CLEC3A: variants seen among roughly 807,000 people sequenced by gnomAD.
CLEC3A encodes the protein C-type (calcium dependent, carbohydrate-recognition domain) lectin, superfamily member 1 (cartilage-derived).
In CLEC3A, 28 loss-of-function variants were observed where a neutral mutation model predicts 20.4. The observed-to-expected ratio is 1.37, with a 90% CI of 1.02 to 1.88. The LOEUF (loss-of-function observed/expected upper bound fraction) is 1.88, where lower values mean the gene tolerates loss of function less well. CLEC3A is among the 40% of genes most tolerant of loss of function. The pLI, the probability that CLEC3A is intolerant of heterozygous loss-of-function variation, is 0.00. For synonymous variants in CLEC3A, 110 were observed against 88.1 expected, an observed-to-expected ratio of 1.25 and a Z score of -1.39; for missense variants, 357 against 240.4, an observed-to-expected ratio of 1.48 and a Z score of -3.21.
rs931678737 is a variant in CLEC3A at position 78,028,864 on chromosome 16, T to C, written c.199+674T>C. On this transcript the variant is annotated intron_variant, in intron 2 of 2. Coordinates refer to ENST00000299642, the MANE Select transcript of CLEC3A (RefSeq NM_005752.6). ...AAGTTACGGCTTTCCATCAAGTATT[T>C]ATAACTCCCAGACCAGATGCATGTT... Among the ~76,000 whole-genome samples the C allele has an allele frequency of 4.6e-5, 7 of 152,332 alleles. No individual in the cohort carries two copies. The South Asian group carries it at 6.2e-4, about 14-fold the overall frequency.
chr16:78,030,152 C>CA (rs56784347), intron 2 of CLEC3A, among the ~76,000 whole-genome samples: 48,142 of 100,214 alleles, frequency 0.48, 12,348 homozygotes, highest in Middle Eastern at 0.59. Flanking sequence ...GACTCCAACT[C>CA]AAAAAAAAAA....
Position 78,030,669 on chromosome 16 carries a change from T to A in CLEC3A, c.422T>A (p.Phe141Tyr), listed in dbSNP as rs759861025. 1.9e-6 allele frequency: 3 copies of A among 1,613,996 alleles called. No homozygotes were observed. In the African/African-American group the frequency reaches 4.0e-5, roughly 22 times the overall value. ...GINDMVTEGK[F>Y]VDVNGIAISF... ...AATGACATGGTCACGGAAGGCAAGT[T>A]TGTTGACGTCAACGGAATCGCTATC... Residue 141 changes from phenylalanine (F) to tyrosine (Y), a missense_variant, in exon 3 of 3, where the codon TTT becomes TAT. Transcript: ENST00000299642.
rs746748496 is a variant in CLEC3A at position 78,030,712 on chromosome 16, C to A, written c.465C>A (p.Asp155Glu). Residue 155 changes from aspartate (D) to glutamate (E), a missense_variant, in exon 3 of 3, where the codon GAC becomes GAA. Transcript: ENST00000299642. ...NGIAISFLNW[D>E]RAQPNGGKRE... ...TCGCTATCTCCTTCCTCAACTGGGACCGTGCACAGCCTAACGGTGGCAAGC... is the reference window on the plus strand; with the variant it reads ...TCGCTATCTCCTTCCTCAACTGGGAACGTGCACAGCCTAACGGTGGCAAGC... 3.1e-6 allele frequency: 5 copies of A among 1,614,150 alleles called. No homozygotes were observed. In the African/African-American group the frequency reaches 6.7e-5, roughly 22 times the overall value.
chr16:78,024,077 G>A (rs1307628700), intron 1 of CLEC3A, among the ~76,000 whole-genome samples: 1 of 152,120 alleles, frequency 6.6e-6, no homozygotes, highest in African/African-American at 2.4e-5. Context: ...TTCTTAAGTG[G>A]AATCTTTTTT....
chr16:78,028,288 A>T, intron 2 of CLEC3A, 98 bp downstream of exon 2: 1 of 839,042 alleles, frequency 1.2e-6, no homozygotes, highest in South Asian at 1.9e-5. Flanking sequence ...ACATTGACAA[A>T]TCAATAATGT....
At chr16:78,028,619 G>A (rs574251613) in intron 2 of CLEC3A, among the ~76,000 whole-genome samples, 58 of 152,318 alleles carry the variant, frequency 3.8e-4, no homozygotes, top group African/African-American at 1.2e-3. Context: ...CAGCGCCAGC[G>A]TTCCTCCCCA....
chr16:78,031,198 T>G lies in CLEC3A; in HGVS notation c.*357T>G, dbSNP rs139962131. On this transcript the variant is annotated 3_prime_UTR_variant, in exon 3 of 3. Coordinates refer to ENST00000299642, the MANE Select transcript of CLEC3A (RefSeq NM_005752.6). Reference sequence around the variant, plus strand: ...TCTAGAAAAGCAAGCTTAGGCTACCTGAAAGATTTTCCCTTGGAAGTTTAG... The same window carrying G: ...TCTAGAAAAGCAAGCTTAGGCTACCGGAAAGATTTTCCCTTGGAAGTTTAG... The G allele has an allele frequency of 4.0e-3, 719 of 180,228 alleles. 6 individuals are homozygous for G. Among genetic ancestry groups the G allele is most frequent in the African/African-American group, 0.016 (668 of 42,352 alleles). 11.2% of individuals were successfully genotyped at this position (180,228 alleles called of 1,614,324 possible). A position where few individuals can be genotyped will look rare whatever the true frequency, so the allele number is the denominator to read the frequency against.
rs2030077640 is a variant in CLEC3A, at chr16:78,030,803, A to T, written c.556A>T (p.Ser186Cys). Residue 186 changes from serine to cysteine, a missense_variant, in exon 3 of 3, where the codon AGC becomes TGC. By Grantham distance (112) the Ser-to-Cys change is moderately radical (BLOSUM62 -1). Coordinates refer to ENST00000299642, the MANE Select transcript of CLEC3A (RefSeq NM_005752.6). ...GKWSDEACRS[S>C]KRYICEFTIP... ...GTGGAGTGATGAGGCCTGTCGCAGC[A>T]GCAAGAGATACATATGCGAGTTCAC... 1 of 1,613,916 alleles carries T rather than the reference A, an allele frequency of 6.2e-7. No individual in the cohort carries two copies. Among genetic ancestry groups the T allele is most frequent in the Non-Finnish European group, 8.5e-7 (1 of 1,179,980 alleles).
intron 2 of CLEC3A, among the ~76,000 whole-genome samples, 155 bp downstream of exon 2, chr16:78,028,345 T>A (rs1353822130): frequency 1.3e-5 from 2 of 152,202 alleles, no homozygotes; most frequent in African/African-American, 4.8e-5. Context: ...TTTTAGGAAA[T>A]CAGCTTCATT....
Position 78,030,749 on chromosome 16 carries a change from G to C in CLEC3A, c.502G>C (p.Val168Leu). The C allele has an allele frequency of 6.2e-7, 1 of 1,614,110 alleles. No individual in the cohort carries two copies. Among genetic ancestry groups the C allele is most frequent in the Non-Finnish European group, 8.5e-7 (1 of 1,180,016 alleles). ...QPNGGKRENCVLFSQSAQGKW... is the reference protein window; with the variant it reads ...QPNGGKRENCLLFSQSAQGKW... ...TAACGGTGGCAAGCGAGAAAACTGT[G>C]TCCTGTTCTCCCAATCAGCTCAGGG... The change falls in exon 3 of 3, where the codon GTC becomes CTC. Residue 168 changes from valine to leucine, a missense_variant. Coordinates refer to ENST00000299642, the MANE Select transcript of CLEC3A (RefSeq NM_005752.6).
chr16:78,025,337 A>G (rs997493227), intron 1 of CLEC3A, among the ~76,000 whole-genome samples: 38 of 152,310 alleles, frequency 2.5e-4, no homozygotes, highest in African/African-American at 7.0e-4. Context: ...TTTTGATTCA[A>G]TAGCCCCAAG....
chr16:78,024,487 C>A (rs2018788025), intron 1 of CLEC3A, among the ~76,000 whole-genome samples: 1 of 152,044 alleles, frequency 6.6e-6, no homozygotes. Context: ...ACCACATGTG[C>A]ATGCACATGC....
At chr16:78,030,348 A>G (rs2030055485) in intron 2 of CLEC3A, 99 bp from the exon 3 acceptor site, 1 of 1,057,826 alleles carries the variant, frequency 9.5e-7, no homozygotes, top group South Asian at 1.6e-5. Flanking sequence ...TCATTATCAT[A>G]CTTCATTCCA....
rs773047485 is a variant in CLEC3A at position 78,022,654 on chromosome 16, A to T, written c.28A>T (p.Ile10Phe). ...GGCAAAGAATGGACTTGTAATTTGCATCCTGGTGATCACCTTACTCCTGGA... is the reference window on the plus strand; with the variant it reads ...GGCAAAGAATGGACTTGTAATTTGCTTCCTGGTGATCACCTTACTCCTGGA... The part of the protein sequence containing the change: MAKNGLVIC[I>F]LVITLLLDQT... Residue 10 changes from isoleucine to phenylalanine, a missense_variant, in exon 1 of 3, where the codon ATC becomes TTC. Coordinates refer to ENST00000299642, the MANE Select transcript of CLEC3A (RefSeq NM_005752.6). 1 of 1,614,168 alleles carries T rather than the reference A, an allele frequency of 6.2e-7. No homozygotes were observed.
intron 1 of CLEC3A, among the ~76,000 whole-genome samples, chr16:78,025,807 G>T (rs2142588964): frequency 6.6e-6 from 1 of 152,268 alleles, no homozygotes; most frequent in South Asian, 2.1e-4. Flanking sequence ...AGCTACAAAG[G>T]ATGGAAGCTA....
At chr16:78,028,284 A>T (rs2029985156) in intron 2 of CLEC3A, 94 bp downstream of exon 2, 1 of 848,852 alleles carries the variant, frequency 1.2e-6, no homozygotes, top group Admixed American at 3.4e-5. Context: ...AGAAACATTG[A>T]CAAATCAATA....
At position 78,030,902 on chromosome 16, in the gene CLEC3A, A is replaced by C. The variant is rs2030082974; in HGVS notation, c.*61A>C. 2.0e-5 allele frequency: 30 copies of C among 1,479,304 alleles called. No individual in the cohort carries two copies. The highest frequency in any genetic ancestry group is 2.7e-5 in the Non-Finnish European group (30 of 1,102,480). The allele number at this position is 1,479,304 out of a possible 1,614,324, so 91.6% of individuals were successfully genotyped here. On this transcript the variant is annotated 3_prime_UTR_variant, in exon 3 of 3. Transcript: ENST00000299642. Reference sequence around the variant, plus strand: ...CATAACTTATAGGTTCATGATCTCTAAGATCAAGTAAAAATCATAATTTTT... The same window carrying C: ...CATAACTTATAGGTTCATGATCTCTCAGATCAAGTAAAAATCATAATTTTT...
At chr16:78,024,949 C>G (rs2018794100) in intron 1 of CLEC3A, among the ~76,000 whole-genome samples, 1 of 152,106 alleles carries the variant, frequency 6.6e-6, no homozygotes, top group South Asian at 2.1e-4. Context: ...ACCTCAGCCT[C>G]TCAAGTAGCT....
At chr16:78,028,808 C>T (rs1157744682) in intron 2 of CLEC3A, among the ~76,000 whole-genome samples, 1 of 152,184 alleles carries the variant, frequency 6.6e-6, no homozygotes, top group Admixed American at 6.5e-5. Flanking sequence ...AGACCTGCCT[C>T]ATTACAAGTT....
Sources: gnomAD v4.1 joint callset for allele counts (sites outside exome capture counted in the v4.1 genomes callset) on GRCh38, gnomAD v4.1.1 for gene constraint, MANE v1.5 for transcripts, NCBI Gene and HGNC (gene_info 2026-07-23, HGNC 2026-07-21) for gene names.